Variants in PLPP4 observed in about 807,000 individuals in gnomAD.
PLPP4 encodes the protein diacylglycerol pyrophosphate like 2.
Under a neutral mutation model 32.2 loss-of-function variants are expected in PLPP4, and 20 were observed. The observed-to-expected ratio is 0.62, with a 90% CI of 0.44 to 0.90. PLPP4 has a LOEUF of 0.90. Among genes scored for constraint, PLPP4 ranks in the 40% least tolerant of loss-of-function variants. The pLI is 0.00. For synonymous variants in PLPP4, 127 were observed against 133.0 expected (o/e 0.95, Z 0.31); for missense variants, 257 against 353.1 (o/e 0.73, Z 2.18).
At chr10:120,503,309 T>G (rs555102928) in intron 1 of PLPP4, among the ~76,000 whole-genome samples, 8 of 152,218 alleles carry the variant, frequency 5.3e-5, no homozygotes, top group Non-Finnish European at 1.2e-4. Flanking sequence ...GCCTGATGGC[T>G]GAGATCTGAA....
intron 5 of PLPP4, among the ~76,000 whole-genome samples, chr10:120,525,535 G>A (rs1453310383): frequency 1.3e-5 from 2 of 152,138 alleles, no homozygotes; most frequent in African/African-American, 2.4e-5. Flanking sequence ...ATCAGACATG[G>A]CCCACGTTTT....
In PLPP4 at chr10:120,591,681, G is replaced by C. The variant is rs1319009394; in HGVS notation, c.*2179G>C. Among the ~76,000 whole-genome samples, 2 of 151,560 alleles carry C rather than the reference G, an allele frequency of 1.3e-5. No individual in the cohort carries two copies. The highest frequency in any genetic ancestry group is 2.4e-5 in the African/African-American group (1 of 41,310). On this transcript the variant is annotated 3_prime_UTR_variant, in exon 7 of 7. Transcript: ENST00000398250. ...TTTGATTCTAGTTTTATCTGAGCAA[G>C]AGGAAAGGAAAAGGGTTGTACTTCA...
At position 120,461,392 on chromosome 10, in the gene PLPP4, C is replaced by T. The variant is rs116030908; in HGVS notation, c.56+4031C>T. Among the ~76,000 whole-genome samples the T allele has an allele frequency of 2.2e-3, 330 of 152,254 alleles. 3 individuals carry two copies. Among genetic ancestry groups the T allele is most frequent in the African/African-American group, 7.6e-3 (316 of 41,542 alleles). On this transcript the variant is annotated intron_variant, in intron 1 of 6. Transcript: ENST00000398250. ...GATGATGACGATCTCATGTGCTGGA[C>T]GGGGGGAAAGATGGTCTGTCTGTTT... is the stretch of plus-strand genomic sequence containing the variant.
At position 120,575,133 on chromosome 10, in the gene PLPP4, G is replaced by A; in HGVS notation, c.448G>A (p.Ala150Thr). 4 of 1,612,460 alleles carry A rather than the reference G, an allele frequency of 2.5e-6. No individual in the cohort carries two copies. The highest frequency in any genetic ancestry group is 3.4e-6 in the Non-Finnish European group (4 of 1,179,094). The change falls in exon 6 of 7, where the codon GCC (alanine) becomes ACC (threonine). Residue 150 changes from alanine (A) to threonine (T), a missense_variant and splice_region_variant. By Grantham distance (58) the Ala-to-Thr change is moderately conservative. Coordinates refer to ENST00000398250, the MANE Select transcript of PLPP4 (RefSeq NM_001030059.3). ...CACCTGCTGTTTCTGTTTGGCAGTT[G>A]CCTTTTCGGGCCTTGGCTTCACGAC... ...KSFPSIHSSF[A>T]FSGLGFTTFY... is the part of the protein sequence containing the mutation.
intron 1 of PLPP4, among the ~76,000 whole-genome samples, chr10:120,502,099 G>T (rs370415282): frequency 3.6e-4 from 55 of 152,290 alleles, no homozygotes; most frequent in African/African-American, 1.3e-3. Flanking sequence ...ATGCAATAGG[G>T]ATTCTGTAAT....
intron 5 of PLPP4, among the ~76,000 whole-genome samples, chr10:120,571,892 A>G (rs1457510877): frequency 3.3e-5 from 5 of 152,228 alleles, no homozygotes; most frequent in African/African-American, 1.2e-4. Flanking sequence ...TTAGTTCAAT[A>G]ACAGTATAAA....
intron 5 of PLPP4, among the ~76,000 whole-genome samples, chr10:120,538,038 CTCTCTCTCTCTCTCTGTG>C (rs1847132531): frequency 6.3e-5 from 3 of 47,998 alleles, no homozygotes; most frequent in African/African-American, 1.4e-4. Context: ...CTCTCTCTCT[CTCTCTCTCTCTCTCTGTG>C]TGTGTGTGTG....
intron 3 of PLPP4, among the ~76,000 whole-genome samples, chr10:120,515,305 G>A (rs1226432974): frequency 6.6e-6 from 1 of 152,202 alleles, no homozygotes; most frequent in East Asian, 1.9e-4. Context: ...CCACTGCAAT[G>A]TGCCTTGCCT....
At position 120,590,268 on chromosome 10, in the gene PLPP4, G is replaced by T. The variant is rs1397333257; in HGVS notation, c.*766G>T. ...CTCTGCCTCATACAGTGAATTTTTG[G>T]GGCACGGGGGCTTTACTTGGCTCTT... On this transcript the variant is annotated 3_prime_UTR_variant, in exon 7 of 7. Transcript: ENST00000398250. Among the ~76,000 whole-genome samples, 3 of 152,174 alleles carry T rather than the reference G, an allele frequency of 2.0e-5. No individual in the cohort carries two copies. The highest frequency in any genetic ancestry group is 4.4e-5 in the Non-Finnish European group (3 of 68,034).
At chr10:120,580,788 A>G in intron 6 of PLPP4, 3 of 854,458 alleles carry the variant, frequency 3.5e-6, no homozygotes, top group Admixed American at 2.6e-5. Flanking sequence ...GAACAATATG[A>G]TTGTTTCTGC....
chr10:120,516,923 C>A (rs1464263819), intron 3 of PLPP4, among the ~76,000 whole-genome samples: 1 of 152,180 alleles, frequency 6.6e-6, no homozygotes, highest in Non-Finnish European at 1.5e-5. Flanking sequence ...AAATGACCTC[C>A]ATGTTAAATA....
intron 2 of PLPP4, among the ~76,000 whole-genome samples, chr10:120,513,435 G>A (rs1365217891): frequency 1.3e-5 from 2 of 152,092 alleles, no homozygotes; most frequent in South Asian, 2.1e-4. Context: ...TTAAACAAAC[G>A]GACTAAACTC....
chr10:120,586,242 C>T (rs1262050524), intron 6 of PLPP4, among the ~76,000 whole-genome samples: 1 of 150,976 alleles, frequency 6.6e-6, no homozygotes, highest in Non-Finnish European at 1.5e-5. Flanking sequence ...TCAAGCAATT[C>T]TCCTTCCTCA....
intron 5 of PLPP4, among the ~76,000 whole-genome samples, chr10:120,547,396 A>G (rs990546246): frequency 6.6e-6 from 1 of 152,194 alleles, no homozygotes; most frequent in Non-Finnish European, 1.5e-5. Context: ...TCCCATCCTC[A>G]TTAATCACAT....
At chr10:120,466,259 G>A (rs1229074627) in intron 1 of PLPP4, among the ~76,000 whole-genome samples, 1 of 151,938 alleles carries the variant, frequency 6.6e-6, no homozygotes, top group Non-Finnish European at 1.5e-5. Flanking sequence ...GCCCACTTCT[G>A]ATGAAAAACC....
intron 1 of PLPP4, 64 bp downstream of exon 1, chr10:120,457,425 T>A: frequency 6.9e-7 from 1 of 1,453,144 alleles, no homozygotes; most frequent in Non-Finnish European, 9.3e-7. Context: ...CAAGCCTCTC[T>A]GTGCCCTAAC....
intron 1 of PLPP4, among the ~76,000 whole-genome samples, chr10:120,474,027 A>T (rs1008196214): frequency 6.6e-6 from 1 of 151,790 alleles, no homozygotes; most frequent in Non-Finnish European, 1.5e-5. Context: ...TTTTATTTCT[A>T]TCTGGTTTAT....
At chr10:120,508,044 T>C (rs1035732370) in intron 2 of PLPP4, among the ~76,000 whole-genome samples, 2 of 152,232 alleles carry the variant, frequency 1.3e-5, no homozygotes, top group African/African-American at 4.8e-5. Flanking sequence ...TGCCCTCTTC[T>C]CTTTTTGCTT....
At chr10:120,527,347 T>C (rs575375707) in intron 5 of PLPP4, among the ~76,000 whole-genome samples, 15 of 152,326 alleles carry the variant, frequency 9.8e-5, no homozygotes, top group African/African-American at 3.4e-4. Context: ...AGTCTTGACG[T>C]AGAACTCCTT....
Sources: gnomAD v4.1 joint callset for allele counts (sites outside exome capture counted in the v4.1 genomes callset) on GRCh38, gnomAD v4.1.1 for gene constraint, MANE v1.5 for transcripts, NCBI Gene and HGNC (gene_info 2026-07-23, HGNC 2026-07-21) for gene names.